ADAMTS14: variants seen among roughly 807,000 people sequenced by gnomAD.
ADAMTS14 encodes the protein A disintegrin and metalloproteinase with thrombospondin motifs 14.
A neutral mutation model predicts 128.6 loss-of-function variants in ADAMTS14; 100 were observed. That is an observed-to-expected ratio of 0.78 (90% CI 0.66 to 0.92). ADAMTS14 has a LOEUF of 0.92. Among genes scored for constraint, ADAMTS14 ranks in the 40% least tolerant of loss-of-function variants. The pLI is 0.00. For missense variants in ADAMTS14, 1,562 were observed against 1,658.6 expected (o/e 0.94, Z 1.01); for synonymous variants, 665 against 653.8 (o/e 1.02, Z -0.26).
intron 2 of ADAMTS14, 26 bp from the exon 3 acceptor site, chr10:70,702,286 C>G (rs1840516923): frequency 6.2e-7 from 1 of 1,613,866 alleles, no homozygotes; most frequent in Non-Finnish European, 8.5e-7. Flanking sequence ...TTCTCTCTTT[C>G]CCGCTGCTTG....
intron 16 of ADAMTS14, 98 bp from the exon 17 acceptor site, chr10:70,751,380 C>A: frequency 8.1e-7 from 1 of 1,236,022 alleles, no homozygotes; most frequent in Non-Finnish European, 1.2e-6. Context: ...ACAGGTTCTG[C>A]TCCGACCCTA....
rs139849243 is a variant in ADAMTS14, at chr10:70,750,618, C to G, written c.2427+633C>G. ...CTGGGGGGCTCCTGGAGGACAGGCT[C>G]TGTGGCCTATTGGTGTCAGCATATC... On this transcript the variant is annotated intron_variant, in intron 16 of 21. Transcript: ENST00000373207. 8.5e-5 allele frequency among the ~76,000 whole-genome samples: 13 copies of G among 152,340 alleles called. No homozygotes were observed. In the East Asian group the frequency reaches 2.5e-3, roughly 29 times the overall value.
intron 12 of ADAMTS14, 112 bp from the exon 13 acceptor site, chr10:70,743,436 C>G: frequency 2.2e-6 from 3 of 1,334,808 alleles, no homozygotes; most frequent in Non-Finnish European, 3.0e-6. Context: ...CAGTGCTCCC[C>G]CAACTGTCCA....
At chr10:70,756,456 C>A (rs1645586961) in intron 19 of ADAMTS14, among the ~76,000 whole-genome samples, 1 of 152,122 alleles carries the variant, frequency 6.6e-6, no homozygotes, top group Non-Finnish European at 1.5e-5. Flanking sequence ...AAGATACTGG[C>A]CCTGTCGCAA....
chr10:70,741,871 A>G (rs1842011155), intron 12 of ADAMTS14, among the ~76,000 whole-genome samples: 1 of 152,162 alleles, frequency 6.6e-6, no homozygotes, highest in African/African-American at 2.4e-5. Flanking sequence ...GGCAAGTCAG[A>G]GCCTCGGCTG....
chr10:70,744,335 C>T, intron 14 of ADAMTS14, 146 bp downstream of exon 14: 1 of 1,191,706 alleles, frequency 8.4e-7, no homozygotes, highest in Non-Finnish European at 1.1e-6. Flanking sequence ...CCTGGGCTGC[C>T]CAGGCTGGTG....
intron 2 of ADAMTS14, among the ~76,000 whole-genome samples, chr10:70,693,666 C>T (rs1318367981): frequency 6.6e-6 from 1 of 152,244 alleles, no homozygotes; most frequent in Non-Finnish European, 1.5e-5. Context: ...TCTAGGGTCT[C>T]TGCATTTACC....
At chr10:70,740,100 G>A (rs1841949279) in intron 11 of ADAMTS14, among the ~76,000 whole-genome samples, 2 of 152,168 alleles carry the variant, frequency 1.3e-5, no homozygotes, top group Admixed American at 1.3e-4. Flanking sequence ...TATTTTATGA[G>A]GCTTAAATGA....
chr10:70,751,948 CAG>C (rs1842362643), intron 17 of ADAMTS14, 145 bp from the exon 18 acceptor site: 1 of 1,236,752 alleles, frequency 8.1e-7, no homozygotes, highest in Non-Finnish European at 1.1e-6. Flanking sequence ...AGGCGTCCCT[CAG>C]AAAGTGACGT....
At chr10:70,710,325 G>A (rs548722153) in intron 4 of ADAMTS14, among the ~76,000 whole-genome samples, 2 of 152,226 alleles carry the variant, frequency 1.3e-5, no homozygotes, top group African/African-American at 4.8e-5. Flanking sequence ...AGATATGTAC[G>A]TGGTGGGTCC....
intron 21 of ADAMTS14, 143 bp from the exon 22 acceptor site, chr10:70,760,217 C>A (rs1842573225): frequency 1.4e-5 from 15 of 1,102,742 alleles, no homozygotes; most frequent in Admixed American, 5.8e-5. Flanking sequence ...CTGTAGCCCC[C>A]ACCCTGAGAA....
intron 4 of ADAMTS14, among the ~76,000 whole-genome samples, chr10:70,719,339 T>C (rs1488467146): frequency 6.6e-6 from 1 of 151,282 alleles, no homozygotes; most frequent in Non-Finnish European, 1.5e-5. Context: ...ACACTTTTGC[T>C]TTCGTGGACA....
rs764249476 is a variant in ADAMTS14, at chr10:70,753,821, T to A, written c.2751T>A (p.Gly917=). 7.8e-5 allele frequency: 124 copies of A among 1,584,710 alleles called. No individual in the cohort carries two copies. The Admixed American group carries it at 2.2e-3, about 28-fold the overall frequency. ...CCAGGTGGGTGACGGAGGAGTGGGG[T>A]GCCTGCAGCCGGAGCTGTGGGAAGC... ...SQPVWVTEEW[G]ACSRSCGKLG... The change falls in exon 19 of 22, where the codon GGT becomes GGA. Residue 917 remains glycine (G), a synonymous_variant. Coordinates refer to ENST00000373207, the MANE Select transcript of ADAMTS14 (RefSeq NM_080722.4).
chr10:70,693,103 G>A (rs72814541), intron 2 of ADAMTS14, among the ~76,000 whole-genome samples: 25,344 of 152,028 alleles, frequency 0.17, 2,690 homozygotes, highest in Middle Eastern at 0.25. Context: ...GATGGGGGAG[G>A]TGCCACACAC....
intron 2 of ADAMTS14, among the ~76,000 whole-genome samples, chr10:70,696,725 C>A (rs1840342147): frequency 6.6e-6 from 1 of 152,082 alleles, no homozygotes; most frequent in South Asian, 2.1e-4. Context: ...GAGCCAAGTG[C>A]TAGGGTTAGG....
chr10:70,703,264 T>G (rs780503081), intron 3 of ADAMTS14, among the ~76,000 whole-genome samples: 1 of 152,230 alleles, frequency 6.6e-6, no homozygotes, highest in Non-Finnish European at 1.5e-5. Context: ...TGACAAGTGC[T>G]GGTCCTAGGC....
intron 8 of ADAMTS14, 126 bp downstream of exon 8, chr10:70,734,154 C>A: frequency 2.3e-6 from 3 of 1,280,942 alleles, no homozygotes; most frequent in Non-Finnish European, 3.2e-6. Context: ...ACTCATCTCG[C>A]CTCCCCGCCA....
chr10:70,735,776 C>T (rs576615574), intron 9 of ADAMTS14, among the ~76,000 whole-genome samples: 2 of 152,320 alleles, frequency 1.3e-5, no homozygotes, highest in South Asian at 2.1e-4. Flanking sequence ...TAACCTTGTC[C>T]CTACCCTGCA....
At chr10:70,736,388 C>T (rs919779309) in intron 9 of ADAMTS14, among the ~76,000 whole-genome samples, 1 of 152,142 alleles carries the variant, frequency 6.6e-6, no homozygotes, top group African/African-American at 2.4e-5. Context: ...CTAGTCCCAG[C>T]TCAGTGACAA....
Sources: gnomAD v4.1 joint callset for allele counts (sites outside exome capture counted in the v4.1 genomes callset) on GRCh38, gnomAD v4.1.1 for gene constraint, MANE v1.5 for transcripts, NCBI Gene and HGNC (gene_info 2026-07-23, HGNC 2026-07-21) for gene names.